The following RBFOX1 variants were observed in gnomAD, a reference collection of about 807,000 sequenced individuals.
The protein encoded by RBFOX1 is RNA binding protein fox-1 homolog 1.
A neutral mutation model predicts 57.7 loss-of-function variants in RBFOX1; 8 were observed. The ratio of observed to expected loss-of-function variants is 0.14; its 90% CI spans 0.08 to 0.25. RBFOX1 has a LOEUF of 0.25. RBFOX1 is among the 10% of genes least tolerant of loss of function. The pLI is 1.00. For synonymous variants in RBFOX1, 326 were observed against 222.4 expected, an observed-to-expected ratio of 1.47 and a Z score of -4.15; for missense variants, 611 against 548.5, an observed-to-expected ratio of 1.11 and a Z score of -1.14.
At chr16:6,652,737 G>A (rs56098322) in intron 2 of RBFOX1, among the ~76,000 whole-genome samples, 63,580 of 151,794 alleles carry the variant, frequency 0.42, 13,943 homozygotes, top group South Asian at 0.52. Flanking sequence ...ACAGAAAGCA[G>A]AAGGTGGTTT....
chr16:5,663,654 C>T (rs1368757898), intron 3 of RBFOX1, among the ~76,000 whole-genome samples: 1 of 152,146 alleles, frequency 6.6e-6, no homozygotes, highest in Non-Finnish European at 1.5e-5. Flanking sequence ...CTGTAAAGCC[C>T]CTACTTGGTG....
Position 6,427,812 on chromosome 16 carries a change from C to G in RBFOX1, c.-64+110755C>G, listed in dbSNP as rs1487787719. On this transcript the variant is annotated intron_variant, in intron 2 of 15. Transcript: ENST00000550418. ...ATAGTGATTTCAGAGTATTGCACAA[C>G]CTCTGAAGCCATTTGGCCTGAGTTC... Among the ~76,000 whole-genome samples the G allele has an allele frequency of 2.6e-5, 4 of 152,110 alleles. No individual in the cohort carries two copies. In the East Asian group the frequency reaches 7.7e-4, roughly 29 times the overall value.
At chr16:5,290,715 T>G (rs1037970247) in intron 1 of RBFOX1, among the ~76,000 whole-genome samples, 28 of 138,262 alleles carry the variant, frequency 2.0e-4, no homozygotes, top group African/African-American at 6.8e-4. Context: ...TTTTTTTTTT[T>G]GAGACGGAGT....
chr16:5,674,811 A>G (rs182174801), intron 3 of RBFOX1, among the ~76,000 whole-genome samples: 13 of 152,278 alleles, frequency 8.5e-5, no homozygotes, highest in Admixed American at 5.9e-4. Context: ...ATTCAGATAT[A>G]TAATGCTGGT....
intron 2 of RBFOX1, among the ~76,000 whole-genome samples, chr16:5,583,209 C>T (rs1431413116): frequency 1.3e-5 from 2 of 152,220 alleles, no homozygotes; most frequent in Admixed American, 6.5e-5. Flanking sequence ...AACATCCATT[C>T]ATGTTATTTA....
intron 4 of RBFOX1, among the ~76,000 whole-genome samples, chr16:7,210,652 T>G (rs995019787): frequency 3.9e-5 from 6 of 152,168 alleles, no homozygotes; most frequent in Non-Finnish European, 7.4e-5. Context: ...TTGCTCTTAG[T>G]AGGTGTCAGG....
chr16:6,158,985 C>G (rs1444273447), intron 1 of RBFOX1, among the ~76,000 whole-genome samples: 1 of 152,004 alleles, frequency 6.6e-6, no homozygotes, highest in Non-Finnish European at 1.5e-5. Context: ...TCACTGCAAC[C>G]TCCACCTCCT....
At chr16:7,030,122 A>G (rs936961346) in intron 3 of RBFOX1, among the ~76,000 whole-genome samples, 10 of 152,214 alleles carry the variant, frequency 6.6e-5, no homozygotes, top group Admixed American at 3.9e-4. Flanking sequence ...AGATTGGCCC[A>G]TAACCCTGGT....
intron 1 of RBFOX1, among the ~76,000 whole-genome samples, chr16:6,161,640 A>G (rs2096880166): frequency 6.6e-6 from 1 of 152,186 alleles, no homozygotes; most frequent in African/African-American, 2.4e-5. Flanking sequence ...GCCCAACATC[A>G]TTTAGGGTGG....
chr16:6,383,438 C>G (rs539197907), intron 2 of RBFOX1, among the ~76,000 whole-genome samples: 9 of 152,226 alleles, frequency 5.9e-5, no homozygotes, highest in African/African-American at 2.2e-4. Flanking sequence ...TTCCTTGGGT[C>G]AGGACAAGTC....
At position 5,764,813 on chromosome 16, in the gene RBFOX1, C is replaced by G. The variant is rs575787523; in HGVS notation, c.319-102490C>G. Among the ~76,000 whole-genome samples, 5 of 152,232 alleles carry G rather than the reference C, an allele frequency of 3.3e-5. No individual in the cohort carries two copies. The South Asian group carries it at 1.0e-3, about 32-fold the overall frequency. Reference sequence around the variant, plus strand: ...ACCATCATCATTTTTTTTATCATTACAGCTTATTAAACATTTATTATTTAC... The same window carrying G: ...ACCATCATCATTTTTTTTATCATTAGAGCTTATTAAACATTTATTATTTAC... On this transcript the variant is annotated intron_variant, in intron 3 of 19. Coordinates refer to the RBFOX1 transcript ENST00000641259.
intron 3 of RBFOX1, among the ~76,000 whole-genome samples, chr16:6,921,640 T>G (rs1567889610): frequency 1.3e-5 from 1 of 75,390 alleles, no homozygotes; most frequent in Non-Finnish European, 3.1e-5. Context: ...TATATATATA[T>G]ATATATTTTT....
intron 3 of RBFOX1, among the ~76,000 whole-genome samples, chr16:5,744,817 G>A (rs1381473049): frequency 6.6e-6 from 1 of 152,168 alleles, no homozygotes; most frequent in African/African-American, 2.4e-5. Flanking sequence ...GAGTGCAGTG[G>A]TGCGATCTCA....
intron 3 of RBFOX1, among the ~76,000 whole-genome samples, chr16:6,935,117 G>C (rs889134050): frequency 6.6e-6 from 1 of 152,010 alleles, no homozygotes; most frequent in African/African-American, 2.4e-5. Flanking sequence ...AGAAAAAACA[G>C]CTTATTTAAC....
chr16:5,345,630 T>C (rs1396469000), intron 1 of RBFOX1, among the ~76,000 whole-genome samples: 1 of 152,220 alleles, frequency 6.6e-6, no homozygotes, highest in East Asian at 1.9e-4. Flanking sequence ...CATTTGGCCG[T>C]GCTCGTTGGG....
intron 1 of RBFOX1, among the ~76,000 whole-genome samples, chr16:5,256,907 C>T (rs866261336): frequency 1.3e-5 from 2 of 151,756 alleles, no homozygotes; most frequent in Middle Eastern, 3.4e-3. Flanking sequence ...GCACTCCAGC[C>T]TGAGTGACAG....
chr16:6,732,995 A>G lies in RBFOX1; in HGVS notation c.-16+78345A>G, dbSNP rs564749822. On this transcript the variant is annotated intron_variant, in intron 3 of 15. Transcript: ENST00000550418. ...TTGCAGAAGGAATTATAATTTCTTT[A>G]TTGGCATTTTTTAAAGGTTAGGTAC... Among the ~76,000 whole-genome samples the G allele has an allele frequency of 2.0e-5, 3 of 152,300 alleles. No individual in the cohort carries two copies. In the South Asian group the frequency reaches 6.2e-4, roughly 32 times the overall value.
At chr16:7,283,300 G>A (rs1457871961) in intron 4 of RBFOX1, among the ~76,000 whole-genome samples, 1 of 151,462 alleles carries the variant, frequency 6.6e-6, no homozygotes, top group African/African-American at 2.4e-5. Context: ...TTCCTCCCTG[G>A]TCCCCCAATC....
intron 4 of RBFOX1, among the ~76,000 whole-genome samples, chr16:7,223,725 A>G (rs74013309): frequency 5.1e-5 from 7 of 137,484 alleles, no homozygotes; most frequent in Non-Finnish European, 7.9e-5. Context: ...AAAAAAAAAA[A>G]AAAAAAGAAA....
Sources: gnomAD v4.1 joint callset for allele counts (sites outside exome capture counted in the v4.1 genomes callset) on GRCh38, gnomAD v4.1.1 for gene constraint, MANE v1.5 for transcripts, NCBI Gene and HGNC (gene_info 2026-07-23, HGNC 2026-07-21) for gene names.